TTC28: variants seen among roughly 807,000 people sequenced by gnomAD.
TTC28 encodes tetratricopeptide repeat protein 28.
TTC28 carries 61 observed loss-of-function variants against 198.0 expected under a neutral mutation model. The observed-to-expected ratio is 0.31, with a 90% CI of 0.25 to 0.38. TTC28 has a LOEUF of 0.38. Among genes scored for constraint, TTC28 ranks in the 10% least tolerant of loss-of-function variants. The pLI is 1.00. For synonymous variants in TTC28, 1,171 were observed against 1,297.8 expected, an observed-to-expected ratio of 0.90 and a Z score of 2.10; for missense variants, 2,678 against 3,164.0, an observed-to-expected ratio of 0.85 and a Z score of 3.69.
chr22:28,041,556 T>A (rs1435465050), intron 12 of TTC28, among the ~76,000 whole-genome samples: 1 of 152,222 alleles, frequency 6.6e-6, no homozygotes, highest in African/African-American at 2.4e-5. Context: ...CTGGATCCCT[T>A]CCTTACACCG....
chr22:28,148,604 C>T (rs1171918555), intron 6 of TTC28, among the ~76,000 whole-genome samples: 7 of 145,836 alleles, frequency 4.8e-5, no homozygotes, highest in Admixed American at 2.7e-4. Flanking sequence ...CAGAATGAGA[C>T]TCTGTCTCAA....
intron 2 of TTC28, among the ~76,000 whole-genome samples, chr22:28,324,034 A>G (rs1405470060): frequency 6.6e-6 from 1 of 152,222 alleles, no homozygotes; most frequent in Non-Finnish European, 1.5e-5. Context: ...TTCAAACATG[A>G]AAGAGATATA....
At chr22:28,661,525 T>G (rs967627480) in intron 1 of TTC28, among the ~76,000 whole-genome samples, 1 of 151,944 alleles carries the variant, frequency 6.6e-6, no homozygotes, top group South Asian at 2.1e-4. Flanking sequence ...GTTCAAGGGG[T>G]CTTCCTGCCT....
chr22:28,423,671 C>T lies in TTC28; in HGVS notation c.382-117028G>A, dbSNP rs777326755. Among the ~76,000 whole-genome samples, 53 of 152,194 alleles carry T rather than the reference C, an allele frequency of 3.5e-4. 1 individual carries two copies. The highest frequency in any genetic ancestry group is 3.3e-3 in the Admixed American group (51 of 15,284). Reference sequence around the variant, plus strand: ...CTGCCTGTGCAAAATCAGAGCAATGCTTCCAAGTCCTGATGACAGTCACTG... The same window carrying T: ...CTGCCTGTGCAAAATCAGAGCAATGTTTCCAAGTCCTGATGACAGTCACTG... On this transcript the variant is annotated intron_variant, in intron 2 of 22. Coordinates refer to ENST00000397906, the MANE Select transcript of TTC28 (RefSeq NM_001145418.2).
intron 2 of TTC28, among the ~76,000 whole-genome samples, chr22:28,385,942 C>T (rs1441696564): frequency 1.3e-5 from 2 of 152,148 alleles, no homozygotes; most frequent in Non-Finnish European, 2.9e-5. Flanking sequence ...CCAAAATCTT[C>T]CAAACTTTCT....
intron 2 of TTC28, among the ~76,000 whole-genome samples, chr22:28,553,181 A>T (rs374786016): frequency 6.6e-6 from 1 of 151,820 alleles, no homozygotes; most frequent in African/African-American, 2.4e-5. Context: ...CCAAAGTGCC[A>T]AGATTGCAGC....
At chr22:28,049,447 C>A (rs1435883880) in intron 12 of TTC28, among the ~76,000 whole-genome samples, 3 of 152,152 alleles carry the variant, frequency 2.0e-5, no homozygotes, top group South Asian at 4.2e-4. Context: ...AGAGAGAAGA[C>A]GAACTGTTAC....
At chr22:28,643,552 T>C (rs538091671) in intron 1 of TTC28, among the ~76,000 whole-genome samples, 1 of 152,322 alleles carries the variant, frequency 6.6e-6, no homozygotes, top group South Asian at 2.1e-4. Context: ...AGGTATTCCA[T>C]GGTCAAACAA....
chr22:27,987,237 A>T (rs1937243425), intron 21 of TTC28, among the ~76,000 whole-genome samples: 1 of 152,238 alleles, frequency 6.6e-6, no homozygotes, highest in South Asian at 2.1e-4. Flanking sequence ...AATAACTGGA[A>T]CATCAACTAA....
intron 1 of TTC28, among the ~76,000 whole-genome samples, chr22:28,641,329 A>G (rs1332279160): frequency 6.6e-6 from 1 of 152,194 alleles, no homozygotes; most frequent in Non-Finnish European, 1.5e-5. Context: ...TCTCAAAAAA[A>G]AAAAATAAAG....
chr22:28,595,707 T>C (rs1030637005), intron 2 of TTC28, among the ~76,000 whole-genome samples: 1 of 152,156 alleles, frequency 6.6e-6, no homozygotes, highest in Non-Finnish European at 1.5e-5. Flanking sequence ...AGGCGGCTCA[T>C]GAGGTCAAGA....
Position 28,347,523 on chromosome 22 carries a change from G to A in TTC28, c.382-40880C>T, listed in dbSNP as rs185536750. On this transcript the variant is annotated intron_variant, in intron 2 of 22. Transcript: ENST00000397906. The stretch of plus-strand genomic sequence containing the variant: ...GTACCTAAAGCCCTGAGATCACCGC[G>A]TTTACACCTAACCCCTTTAGGAGCA... Among the ~76,000 whole-genome samples the A allele has an allele frequency of 6.3e-4, 96 of 152,258 alleles. 1 individual carries two copies. The highest frequency in any genetic ancestry group is 5.2e-3 in the Admixed American group (79 of 15,284).
chr22:28,404,151 G>T (rs1368577230), intron 2 of TTC28, among the ~76,000 whole-genome samples: 1 of 152,150 alleles, frequency 6.6e-6, no homozygotes, highest in Non-Finnish European at 1.5e-5. Flanking sequence ...ACAGAGTCTT[G>T]CTCTGTTGCC....
At chr22:28,530,554 G>A (rs191922624) in intron 2 of TTC28, among the ~76,000 whole-genome samples, 3 of 152,096 alleles carry the variant, frequency 2.0e-5, no homozygotes, top group Non-Finnish European at 4.4e-5. Flanking sequence ...AGGAAATACA[G>A]AGAACGCCAC....
chr22:28,319,380 G>A (rs1391658534), intron 2 of TTC28, among the ~76,000 whole-genome samples: 1 of 152,212 alleles, frequency 6.6e-6, no homozygotes, highest in East Asian at 1.9e-4. Context: ...AGTCAGAAGA[G>A]AGGGACTATT....
chr22:28,558,667 C>A (rs559869529), intron 2 of TTC28, among the ~76,000 whole-genome samples: 1 of 151,190 alleles, frequency 6.6e-6, no homozygotes, highest in South Asian at 2.1e-4. Flanking sequence ...AAGAGTGAAA[C>A]TCCATCTCAA....
intron 5 of TTC28, among the ~76,000 whole-genome samples, chr22:28,242,061 G>C (rs1169749994): frequency 6.6e-6 from 1 of 152,214 alleles, no homozygotes; most frequent in African/African-American, 2.4e-5. Context: ...AAGAAGCATT[G>C]GTAAGTAAAA....
chr22:28,359,477 T>C (rs1336108459), intron 2 of TTC28, among the ~76,000 whole-genome samples: 2 of 152,190 alleles, frequency 1.3e-5, no homozygotes, highest in Admixed American at 6.5e-5. Context: ...CAATAATCCA[T>C]GTTCTTCATA....
intron 6 of TTC28, among the ~76,000 whole-genome samples, chr22:28,119,537 C>A (rs1942729169): frequency 6.6e-6 from 1 of 152,178 alleles, no homozygotes; most frequent in Non-Finnish European, 1.5e-5. Context: ...CCTTAAGTAC[C>A]AGAGTGTGTA....
Sources: gnomAD v4.1 joint callset for allele counts (sites outside exome capture counted in the v4.1 genomes callset) on GRCh38, gnomAD v4.1.1 for gene constraint, MANE v1.5 for transcripts, NCBI Gene and HGNC (gene_info 2026-07-23, HGNC 2026-07-21) for gene names.